LDLRAP1: variants seen among roughly 807,000 people sequenced by gnomAD.
LDLRAP1 encodes low density lipoprotein receptor adapter protein 1.
A neutral mutation model predicts 37.8 loss-of-function variants in LDLRAP1; 30 were observed. The ratio of observed to expected loss-of-function variants is 0.79; its 90% CI spans 0.59 to 1.08. The LOEUF is 1.08. LDLRAP1 is among the 50% of genes least tolerant of loss of function. The pLI, the probability that LDLRAP1 is intolerant of heterozygous loss-of-function variation, is 0.00. For synonymous variants in LDLRAP1, 156 were observed against 169.8 expected, an observed-to-expected ratio of 0.92 and a Z score of 0.63; for missense variants, 375 against 401.6, an observed-to-expected ratio of 0.93 and a Z score of 0.57.
downstream of LDLRAP1, among the ~76,000 whole-genome samples, chr1:25,573,380 G>T (rs1435957348): frequency 6.6e-6 from 1 of 152,244 alleles, no homozygotes; most frequent in Non-Finnish European, 1.5e-5. Context: ...GGGCGAGGGT[G>T]CAGGTGGTCC....
chr1:25,573,899 C>A, the LDLRAP1 span, among the ~76,000 whole-genome samples: 1 of 152,204 alleles, frequency 6.6e-6, no homozygotes, highest in African/African-American at 2.4e-5. Flanking sequence ...TGGAACATGG[C>A]AGCAAACAAA....
Position 25,557,416 on chromosome 1 carries a change from C to T in LDLRAP1, c.459+149C>T, listed in dbSNP as rs531561499. ...ATCTCTGGGAACCCCAAGTGGGTGC[C>T]GAGAGCTAAGGGGTACAGTGGTGGG... On this transcript the variant is annotated intron_variant, in intron 4 of 8. Coordinates refer to ENST00000374338, the MANE Select transcript of LDLRAP1 (RefSeq NM_015627.3). 86 of 671,528 alleles carry T rather than the reference C, an allele frequency of 1.3e-4. No individual in the cohort carries two copies. In the East Asian group the frequency reaches 1.4e-3, roughly 11 times the overall value. The allele number at this position is 671,528 out of a possible 1,614,324, so 41.6% of individuals were successfully genotyped here. A position where few individuals can be genotyped will look rare whatever the true frequency, so the allele number is the denominator to read the frequency against.
chr1:25,582,445 C>T, the LDLRAP1 span, among the ~76,000 whole-genome samples: 34 of 150,854 alleles, frequency 2.3e-4, no homozygotes, highest in East Asian at 7.8e-4. Flanking sequence ...CTTAGCTGGG[C>T]ATGGTGGCAT....
rs909745709 is a variant in LDLRAP1 at position 25,563,081 on chromosome 1, A to G, written c.544A>G (p.Arg182Gly). 1 of 1,613,876 alleles carries G rather than the reference A, an allele frequency of 6.2e-7. No individual in the cohort carries two copies. The highest frequency in any genetic ancestry group is 1.3e-5 in the African/African-American group (1 of 74,866). ...WQVSKEEKEK[R>G]DKASQEGGDV... ...CCTTGGTCCTGCAGAGAAAGAGAAG[A>G]GGGACAAAGCCAGCCAAGAGGGAGG... The change falls in exon 6 of 9, where the codon AGG (arginine) becomes GGG (glycine). Residue 182 changes from arginine (R) to glycine (G), a missense_variant. Coordinates refer to ENST00000374338, the MANE Select transcript of LDLRAP1 (RefSeq NM_015627.3).
the LDLRAP1 span, among the ~76,000 whole-genome samples, chr1:25,589,381 G>A: frequency 6.6e-6 from 1 of 152,118 alleles, no homozygotes; most frequent in Non-Finnish European, 1.5e-5. Flanking sequence ...CTTGTTGAGT[G>A]TGATGGTTGA....
At chr1:25,575,265 G>A in the LDLRAP1 span, among the ~76,000 whole-genome samples, 2 of 152,086 alleles carry the variant, frequency 1.3e-5, no homozygotes, top group Non-Finnish European at 2.9e-5. Flanking sequence ...AGAGCATGGA[G>A]GTAGAAGTCA....
At chr1:25,558,760 G>A (rs755809744) in intron 4 of LDLRAP1, among the ~76,000 whole-genome samples, 26 of 152,208 alleles carry the variant, frequency 1.7e-4, no homozygotes, top group South Asian at 6.2e-4. Context: ...AATCTCCATC[G>A]CCACATCCTT....
At chr1:25,557,097 C>T (rs2044218316) in intron 3 of LDLRAP1, 56 bp from the exon 4 acceptor site, 1 of 1,335,820 alleles carries the variant, frequency 7.5e-7, no homozygotes. Context: ...CAGGGCTTCC[C>T]ACATGTGCTC....
In LDLRAP1 at chr1:25,567,185, C is replaced by A; in HGVS notation, c.*193C>A. 1.5e-6 allele frequency: 1 copy of A among 659,450 alleles called. No individual in the cohort carries two copies. The highest frequency in any genetic ancestry group is 2.7e-6 in the Non-Finnish European group (1 of 377,036). The allele number at this position is 659,450 out of a possible 1,614,324, so 40.8% of individuals were successfully genotyped here. ...TAAGCCCTGCTCTTTCTCTGAGAACCAAAAGATGCCTTGAATATTTATTCA... is the reference window on the plus strand; with the variant it reads ...TAAGCCCTGCTCTTTCTCTGAGAACAAAAAGATGCCTTGAATATTTATTCA... On this transcript the variant is annotated 3_prime_UTR_variant, in exon 9 of 9. Coordinates refer to ENST00000374338, the MANE Select transcript of LDLRAP1 (RefSeq NM_015627.3).
Position 25,544,029 on chromosome 1 carries a change from G to C in LDLRAP1, c.88+243G>C, listed in dbSNP as rs901676964. ...AGCGCTGAGGAAGGAGCCCGAGCTCGGGGTCCTCAGGTGCAGCCGGCATGG... is the reference window on the plus strand; with the variant it reads ...AGCGCTGAGGAAGGAGCCCGAGCTCCGGGTCCTCAGGTGCAGCCGGCATGG... On this transcript the variant is annotated intron_variant, in intron 1 of 8. Coordinates refer to ENST00000374338, the MANE Select transcript of LDLRAP1 (RefSeq NM_015627.3). This position sits in a 1 kb window ranked among gnomAD's most constrained non-coding sequence, Gnocchi z 4.8. Among the ~76,000 whole-genome samples the C allele has an allele frequency of 1.3e-5, 2 of 152,088 alleles. No individual in the cohort carries two copies. Among genetic ancestry groups the C allele is most frequent in the Non-Finnish European group, 2.9e-5 (2 of 67,986 alleles).
At position 25,553,715 on chromosome 1, in the gene LDLRAP1, A is replaced by C. The variant is rs1395184417; in HGVS notation, c.89-207A>C. On this transcript the variant is annotated intron_variant, in intron 1 of 8. Transcript: ENST00000374338. ...GAACCTGGGGTGCAGAGGTTGCAGTAAGCTGAGCTCGCACCACTGCACTCC... is the reference window on the plus strand; with the variant it reads ...GAACCTGGGGTGCAGAGGTTGCAGTCAGCTGAGCTCGCACCACTGCACTCC... 6.8e-6 allele frequency: 4 copies of C among 589,668 alleles called. No individual in the cohort carries two copies. The African/African-American group carries it at 7.6e-5, about 11-fold the overall frequency. The allele number at this position is 589,668 out of a possible 1,614,324, so 36.5% of individuals were successfully genotyped here. A position where few individuals can be genotyped will look rare whatever the true frequency, so the allele number is the denominator to read the frequency against.
Position 25,563,048 on chromosome 1 carries a change from A to G in LDLRAP1, c.533-22A>G, listed in dbSNP as rs12071264. ...GAGTGCTGGGGTCTGAGGCTCCAAC[A>G]TGTTGTGCCTTGGTCCTGCAGAGAA... On this transcript the variant is annotated intron_variant, in intron 5 of 8. Coordinates refer to ENST00000374338, the MANE Select transcript of LDLRAP1 (RefSeq NM_015627.3). 8,364 of 1,611,068 alleles carry G rather than the reference A, an allele frequency of 5.2e-3. 366 individuals are homozygous for G. In the African/African-American group the frequency reaches 0.094, roughly 18 times the overall value.
the LDLRAP1 span, among the ~76,000 whole-genome samples, chr1:25,574,315 C>T: frequency 3.9e-5 from 6 of 152,116 alleles, no homozygotes; most frequent in Non-Finnish European, 4.4e-5. Flanking sequence ...TGTGGGGTCT[C>T]GAGGACACGA....
intron 1 of LDLRAP1, among the ~76,000 whole-genome samples, chr1:25,548,815 C>T (rs113764657): frequency 9.2e-5 from 14 of 152,108 alleles, no homozygotes; most frequent in African/African-American, 2.9e-4. Flanking sequence ...TGCACACTGC[C>T]ACGCCCAGCT....
intron 4 of LDLRAP1, chr1:25,557,533 A>G: frequency 1.9e-6 from 1 of 537,318 alleles, no homozygotes; most frequent in Non-Finnish European, 3.4e-6. Flanking sequence ...TTCTCTCTGT[A>G]ACGGGATTTG....
downstream of LDLRAP1, among the ~76,000 whole-genome samples, chr1:25,573,743 C>G (rs1020628526): frequency 2.0e-5 from 3 of 152,176 alleles, no homozygotes; most frequent in Non-Finnish European, 4.4e-5. Context: ...ATGAACTGAC[C>G]TGATCGAGAT....
Position 25,566,997 on chromosome 1 carries a change from C to G in LDLRAP1, c.*5C>G. 5.6e-6 allele frequency: 9 copies of G among 1,613,208 alleles called. No individual in the cohort carries two copies. The highest frequency in any genetic ancestry group is 7.6e-6 in the Non-Finnish European group (9 of 1,180,020). On this transcript the variant is annotated 3_prime_UTR_variant, in exon 9 of 9. Coordinates refer to ENST00000374338, the MANE Select transcript of LDLRAP1 (RefSeq NM_015627.3). ...GATGACCTCTTCAGCTTCTGAGGGC[C>G]CGGGGCCAGCCGGACACAAGCGGCC...
the LDLRAP1 span, chr1:25,581,712 C>T: frequency 6.6e-6 from 1 of 152,392 alleles, no homozygotes; most frequent in Non-Finnish European, 1.5e-5. Flanking sequence ...GGGCAGGGAC[C>T]TGCTGAGTGC....
intron 4 of LDLRAP1, among the ~76,000 whole-genome samples, chr1:25,557,783 G>A (rs979411572): frequency 6.6e-6 from 1 of 152,022 alleles, no homozygotes; most frequent in Non-Finnish European, 1.5e-5. Context: ...ACCGTCTCTC[G>A]GTGCCTCCTG....
Sources: allele counts gnomAD v4.1 joint callset (sites outside exome capture counted in the v4.1 genomes callset), GRCh38; gene constraint gnomAD v4.1.1; non-coding constraint Gnocchi (gnomAD v3.1); transcripts MANE v1.5; gene names NCBI Gene and HGNC (gene_info 2026-07-23, HGNC 2026-07-21).